The following RAD54L variants were observed in gnomAD, a reference collection of about 807,000 sequenced individuals.
RAD54L encodes RAD54 like.
In RAD54L, 74 loss-of-function variants were observed where a neutral mutation model predicts 91.6. The ratio of observed to expected loss-of-function variants is 0.81; its 90% CI spans 0.67 to 0.98. RAD54L has a LOEUF of 0.98. Ranked by LOEUF, RAD54L falls within the 50% of genes least tolerant of loss-of-function variation. RAD54L has a pLI of 0.00. For synonymous variants in RAD54L, 304 were observed against 349.7 expected, an observed-to-expected ratio of 0.87 and a Z score of 1.46; for missense variants, 887 against 945.7, an observed-to-expected ratio of 0.94 and a Z score of 0.81.
chr1:46,269,144 G>T (rs917678928), intron 9 of RAD54L, among the ~76,000 whole-genome samples: 1 of 152,138 alleles, frequency 6.6e-6, no homozygotes, highest in African/African-American at 2.4e-5. Flanking sequence ...TTGCTTTGCA[G>T]TGCTACCTTC....
Position 46,261,057 on chromosome 1 carries a change from C to G in RAD54L, c.766+42C>G, listed in dbSNP as rs771557714. ...AAGATGGCTGCACTCTCCTGCACAG[C>G]CTGCTGCTTTCTTACGTGTATGCTC... is the stretch of plus-strand genomic sequence containing the variant. On this transcript the variant is annotated intron_variant, in intron 7 of 17. Transcript: ENST00000371975. 12 of 1,601,912 alleles carry G rather than the reference C, an allele frequency of 7.5e-6. No individual in the cohort carries two copies. In the African/African-American group the frequency reaches 1.1e-4, roughly 14 times the overall value.
At chr1:46,257,478 T>C (rs867345604) in intron 3 of RAD54L, among the ~76,000 whole-genome samples, 1 of 152,196 alleles carries the variant, frequency 6.6e-6, no homozygotes, top group Non-Finnish European at 1.5e-5. Context: ...ATGGGAGCTG[T>C]CAGAGTTAGC....
intron 2 of RAD54L, among the ~76,000 whole-genome samples, chr1:46,249,270 A>G (rs1332288600): frequency 6.6e-6 from 1 of 152,148 alleles, no homozygotes; most frequent in Non-Finnish European, 1.5e-5. Flanking sequence ...GTGTGTGAAT[A>G]AGGTGTGGGG....
chr1:46,267,691 G>A, intron 9 of RAD54L, 82 bp downstream of exon 9: 1 of 1,504,586 alleles, frequency 6.6e-7, no homozygotes, highest in South Asian at 1.1e-5. Flanking sequence ...AGGAGAGAAA[G>A]AAGAGAATGC....
intron 10 of RAD54L, 104 bp downstream of exon 10, chr1:46,270,889 G>C (rs1205191758): frequency 6.7e-7 from 1 of 1,493,256 alleles, no homozygotes; most frequent in African/African-American, 1.4e-5. Flanking sequence ...GGGATTCTAG[G>C]AAGGGAGTGG....
Position 46,259,979 on chromosome 1 carries a change from G to C in RAD54L, c.287G>C (p.Arg96Pro). Reference sequence around the variant, plus strand: ...TGGTTTGTAGGTCCTCTGGGCTCTCGAGCATTGGGCCTGAAAAGGGCTGGG... The same window carrying C: ...TGGTTTGTAGGTCCTCTGGGCTCTCCAGCATTGGGCCTGAAAAGGGCTGGG... ...IPNYQGPLGS[R>P]ALGLKRAGVR... The change falls in exon 5 of 18, where the codon CGA (arginine) becomes CCA (proline). Residue 96 changes from arginine to proline, a missense_variant. Arg to Pro is a moderately radical substitution (Grantham distance 103). Transcript: ENST00000371975. The C allele has an allele frequency of 1.2e-6, 2 of 1,614,062 alleles. No homozygotes were observed. Among genetic ancestry groups the C allele is most frequent in the Admixed American group, 1.7e-5 (1 of 60,010 alleles).
intron 9 of RAD54L, among the ~76,000 whole-genome samples, chr1:46,269,130 C>T (rs1229893775): frequency 1.3e-5 from 2 of 152,102 alleles, no homozygotes; most frequent in South Asian, 2.1e-4. Flanking sequence ...CGTTCTTTCC[C>T]CCATTGCTTT....
chr1:46,270,919 G>T (rs1660408168), intron 10 of RAD54L, 134 bp downstream of exon 10: 1 of 1,196,992 alleles, frequency 8.4e-7, no homozygotes, highest in Non-Finnish European at 1.2e-6. Flanking sequence ...CCTAACTATG[G>T]CCACTGAATA....
At position 46,247,874 on chromosome 1, in the gene RAD54L, T is replaced by A. The variant is rs1246363584; in HGVS notation, c.-532T>A. 8.7e-6 allele frequency: 2 copies of A among 228,984 alleles called. No individual in the cohort carries two copies. The highest frequency in any genetic ancestry group is 4.6e-5 in the African/African-American group (2 of 43,842). 14.2% of individuals were successfully genotyped at this position (228,984 alleles called of 1,614,324 possible). ...GTATTCCCCTCCTAACCTGGGTTTTTTACACGCCCGCGTGGCTTCCTGCTC... is the reference window on the plus strand; with the variant it reads ...GTATTCCCCTCCTAACCTGGGTTTTATACACGCCCGCGTGGCTTCCTGCTC... On this transcript the variant is annotated 5_prime_UTR_variant, in exon 1 of 18. Coordinates refer to ENST00000371975, the MANE Select transcript of RAD54L (RefSeq NM_003579.4).
At chr1:46,254,994 A>T (rs1019032514) in intron 3 of RAD54L, among the ~76,000 whole-genome samples, 3 of 152,104 alleles carry the variant, frequency 2.0e-5, no homozygotes, top group African/African-American at 7.2e-5. Flanking sequence ...AGTGTCATGG[A>T]AATCAAAGGC....
chr1:46,275,539 A>G (rs17102098), intron 16 of RAD54L, among the ~76,000 whole-genome samples: 9,091 of 151,950 alleles, frequency 0.06, 552 homozygotes, highest in African/African-American at 0.15. Context: ...ACCCATTCCA[A>G]TTGGATTATT....
At chr1:46,268,925 T>C (rs999374913) in intron 9 of RAD54L, among the ~76,000 whole-genome samples, 3 of 152,018 alleles carry the variant, frequency 2.0e-5, no homozygotes, top group East Asian at 1.9e-4. Context: ...GCCACCACTA[T>C]TGGCTAACTT....
intron 3 of RAD54L, among the ~76,000 whole-genome samples, chr1:46,255,380 G>A (rs749412787): frequency 6.6e-6 from 1 of 151,860 alleles, no homozygotes; most frequent in Non-Finnish European, 1.5e-5. Flanking sequence ...GGAAAGATTG[G>A]TATGAATTAT....
intron 16 of RAD54L, among the ~76,000 whole-genome samples, chr1:46,275,821 G>C (rs1660578178): frequency 6.6e-6 from 1 of 151,914 alleles, no homozygotes; most frequent in Admixed American, 6.6e-5. Context: ...ATCTCACACT[G>C]TTGACTACTA....
At chr1:46,251,326 A>G (rs1659793616) in intron 3 of RAD54L, among the ~76,000 whole-genome samples, 1 of 152,158 alleles carries the variant, frequency 6.6e-6, no homozygotes, top group Admixed American at 6.5e-5. Context: ...AACAACAACA[A>G]AAAAACAACA....
Position 46,277,936 on chromosome 1 carries a change from G to A in RAD54L, c.1989G>A (p.Glu663=), listed in dbSNP as rs1394442822. 6 of 1,614,022 alleles carry A rather than the reference G, an allele frequency of 3.7e-6. No individual in the cohort carries two copies. The highest frequency in any genetic ancestry group is 1.3e-5 in the African/African-American group (1 of 74,914). ...ACTTCTCTCTGGGCGAGTTGAAGGAGCTGTTTATCCTGGATGAAGCTAGCC... is the reference window on the plus strand; with the variant it reads ...ACTTCTCTCTGGGCGAGTTGAAGGAACTGTTTATCCTGGATGAAGCTAGCC... ...ERHFSLGELK[E]LFILDEASLS... is the part of the protein sequence containing the mutation. Residue 663 remains glutamate, a synonymous_variant, in exon 17 of 18, where the codon GAG becomes GAA. Transcript: ENST00000371975.
rs767093562 is a variant in RAD54L at position 46,248,588 on chromosome 1, C to T, written c.80C>T (p.Pro27Leu). The T allele has an allele frequency of 1.2e-6, 2 of 1,614,122 alleles. No homozygotes were observed. The highest frequency in any genetic ancestry group is 1.3e-5 in the African/African-American group (1 of 75,070). The part of the protein sequence containing the change: ...GRSCDDEDWQ[P>L]GLVTPRKRKS... ...TCCTGTGATGATGAAGACTGGCAACCTGGCCTAGTGGTGAGCACTCAAGGG... is the reference window on the plus strand; with the variant it reads ...TCCTGTGATGATGAAGACTGGCAACTTGGCCTAGTGGTGAGCACTCAAGGG... Residue 27 changes from proline (P) to leucine (L), a missense_variant, in exon 2 of 18, where the codon CCT becomes CTT. Physicochemically the swap from Pro to Leu is moderately conservative, Grantham distance 98 (BLOSUM62 -3). Transcript: ENST00000371975.
chr1:46,272,870 C>T (rs1408931433), intron 12 of RAD54L, 68 bp downstream of exon 12: 72 of 1,595,326 alleles, frequency 4.5e-5, no homozygotes, highest in Non-Finnish European at 6.0e-5. Context: ...CCTGTAGTGG[C>T]CTGGCAACCC....
At chr1:46,256,113 T>C (rs892714579) in intron 3 of RAD54L, among the ~76,000 whole-genome samples, 2 of 152,028 alleles carry the variant, frequency 1.3e-5, no homozygotes, top group African/African-American at 4.8e-5. Flanking sequence ...CAGGTCTTGC[T>C]GTCACCCAGG....
Sources: gnomAD v4.1 joint callset for allele counts (sites outside exome capture counted in the v4.1 genomes callset) on GRCh38, gnomAD v4.1.1 for gene constraint, MANE v1.5 for transcripts, NCBI Gene and HGNC (gene_info 2026-07-23, HGNC 2026-07-21) for gene names.